The following RBM34 variants were observed in gnomAD, a reference collection of about 807,000 sequenced individuals.
RBM34 encodes the protein RNA binding motif protein 34, also known as RNA-binding protein 34.
Under a neutral mutation model 44.6 loss-of-function variants are expected in RBM34, and 39 were observed. The ratio of observed to expected loss-of-function variants is 0.87; its 90% CI spans 0.68 to 1.14. The LOEUF (loss-of-function observed/expected upper bound fraction) is 1.14, where lower values mean the gene tolerates loss of function less well. Among genes scored for constraint, RBM34 ranks in the 50% most tolerant of loss-of-function variants. The pLI is 0.00. For missense variants in RBM34, 572 were observed against 517.9 expected (o/e 1.10, Z -1.01); for synonymous variants, 194 against 184.0 (o/e 1.05, Z -0.44).
intron 6 of RBM34, among the ~76,000 whole-genome samples, chr1:235,141,138 C>A (rs556722401): frequency 6.6e-6 from 1 of 151,622 alleles, no homozygotes; most frequent in African/African-American, 2.4e-5. Context: ...ACACACCAAT[C>A]GGCACCCTGT....
intron 6 of RBM34, among the ~76,000 whole-genome samples, chr1:235,145,966 G>GTTTTTTTTTT (rs34111332): frequency 2.6e-5 from 2 of 77,210 alleles, no homozygotes; most frequent in Non-Finnish European, 4.6e-5. Flanking sequence ...ATTACAGCAG[G>GTTTTTTTTTT]TTTTTTTTTT....
At chr1:235,143,074 C>T (rs1661752929) in intron 6 of RBM34, among the ~76,000 whole-genome samples, 2 of 151,898 alleles carry the variant, frequency 1.3e-5, no homozygotes, top group Non-Finnish European at 2.9e-5. Flanking sequence ...TTAAAAGTCA[C>T]TAAAAAATGG....
rs997131081 is a variant in RBM34, at chr1:235,159,754, C to A, written c.365+757G>T. On this transcript the variant is annotated intron_variant, in intron 3 of 10. Transcript: ENST00000408888. ...GGCATGGTGGCACCTGTAATCTCAG[C>A]TCCACGGGAGGCCTGAGGCAGGAAA... Among the ~76,000 whole-genome samples, 16 of 150,122 alleles carry A rather than the reference C, an allele frequency of 1.1e-4. No homozygotes were observed. In the Admixed American group the frequency reaches 1.1e-3, roughly 10 times the overall value.
In RBM34 at chr1:235,131,849, C is replaced by A; in HGVS notation, c.1157G>T (p.Gly386Val). 2 of 1,614,082 alleles carry A rather than the reference C, an allele frequency of 1.2e-6. No homozygotes were observed. The highest frequency in any genetic ancestry group is 1.7e-6 in the Non-Finnish European group (2 of 1,180,002). Residue 386 changes from glycine to valine, a missense_variant, in exon 11 of 11, where the codon GGA (glycine) becomes GTA (valine). Coordinates refer to ENST00000408888, the MANE Select transcript of RBM34 (RefSeq NM_015014.4). ...TGCAGTTTTGGAAGTAAAATTAAGT[C>A]CCTGCTTAGGTTTACTGACATTCTT... ...RLKNVSKPKQ[G>V]LNFTSKTAEG... is the part of the protein sequence containing the mutation.
At chr1:235,149,829 AAACCTATTTTCTTTCTCAGT>A (rs963364086) in intron 5 of RBM34, among the ~76,000 whole-genome samples, 1 of 152,234 alleles carries the variant, frequency 6.6e-6, no homozygotes, top group African/African-American at 2.4e-5. Context: ...CTTTTCTGGA[AAACCTATTTTCTTTCTCAGT>A]AACCTGATAG....
chr1:235,135,799 TAA>T (rs1249644615), intron 9 of RBM34, 29 bp from the exon 10 acceptor site: 2 of 1,577,876 alleles, frequency 1.3e-6, no homozygotes, highest in Admixed American at 1.7e-5. Flanking sequence ...AAAATGGAAG[TAA>T]AGAGTTGGGA....
chr1:235,155,844 T>TACATATATATAC (rs1310649349), intron 3 of RBM34, among the ~76,000 whole-genome samples: 1 of 28,316 alleles, frequency 3.5e-5, no homozygotes, highest in Admixed American at 5.0e-4. Context: ...TATATATATA[T>TACATATATATAC]ATATATATAT....
rs370921981 is a variant in RBM34 at position 235,160,899 on chromosome 1, C to A, written c.222G>T (p.Val74=). 13 of 1,613,928 alleles carry A rather than the reference C, an allele frequency of 8.1e-6. No individual in the cohort carries two copies. In the South Asian group the frequency reaches 1.2e-4, roughly 15 times the overall value. Reference sequence around the variant, plus strand: ...AGAAAGCCCAGTGACTTACTTTAGGCACAGGCACGTACACGGGTTGAATCT... The same window carrying A: ...AGAAAGCCCAGTGACTTACTTTAGGAACAGGCACGTACACGGGTTGAATCT... ...EPQIQPVYVP[V]PKQTIKKTKR... The change falls in exon 2 of 11, where the codon GTG becomes GTT. Residue 74 remains valine, a synonymous_variant. Transcript: ENST00000408888.
intron 3 of RBM34, chr1:235,156,668 A>G (rs1662460530): frequency 2.2e-6 from 1 of 461,044 alleles, no homozygotes; most frequent in Non-Finnish European, 4.5e-6. Flanking sequence ...CTGAGCATCA[A>G]TCTGAAAGGA....
At chr1:235,159,677 C>T (rs1034875750) in intron 3 of RBM34, among the ~76,000 whole-genome samples, 4 of 151,710 alleles carry the variant, frequency 2.6e-5, no homozygotes, top group African/African-American at 9.7e-5. Flanking sequence ...CAAGACCAAC[C>T]TGGCCAACAT....
chr1:235,138,817 CAG>C (rs1171519145), intron 6 of RBM34, among the ~76,000 whole-genome samples: 12 of 152,154 alleles, frequency 7.9e-5, no homozygotes, highest in Non-Finnish European at 1.2e-4. Flanking sequence ...GTTTAATTTA[CAG>C]AGTTTTCTCT....
intron 6 of RBM34, among the ~76,000 whole-genome samples, chr1:235,141,317 C>G (rs1207861504): frequency 6.6e-6 from 1 of 152,042 alleles, no homozygotes; most frequent in African/African-American, 2.4e-5. Flanking sequence ...GTGTTTAGCT[C>G]AGGGTTTGTG....
At position 235,131,777 on chromosome 1, in the gene RBM34, A is replaced by C. The variant is rs966838549; in HGVS notation, c.1229T>G (p.Leu410Arg). 5 of 1,613,156 alleles carry C rather than the reference A, an allele frequency of 3.1e-6. No homozygotes were observed. In the African/African-American group the frequency reaches 5.3e-5, roughly 17 times the overall value. The change falls in exon 11 of 11, where the codon CTT becomes CGT. Residue 410 changes from leucine (L) to arginine (R), a missense_variant. Physicochemically the swap from Leu to Arg is moderately radical, Grantham distance 102. Coordinates refer to ENST00000408888, the MANE Select transcript of RBM34 (RefSeq NM_015014.4). ...CTTCTGTCCTTTCTTCTTCGTTTTA[A>C]GGAGAACAGCTTTTTCTCCAATAAA... Reference protein sequence around the residue: ...SLFIGEKAVLLKTKKKGQKKS... With the variant: ...SLFIGEKAVLRKTKKKGQKKS...
At position 235,131,668 on chromosome 1, in the gene RBM34, T is replaced by G; in HGVS notation, c.*45A>C. ...ATGCTATCAGCAGATAATAGCACTT[T>G]TATTAGCAGTACTCAGCAGGAAAAG... On this transcript the variant is annotated 3_prime_UTR_variant, in exon 11 of 11. Coordinates refer to ENST00000408888, the MANE Select transcript of RBM34 (RefSeq NM_015014.4). 6.5e-7 allele frequency: 1 copy of G among 1,541,288 alleles called. No homozygotes were observed. The highest frequency in any genetic ancestry group is 8.7e-7 in the Non-Finnish European group (1 of 1,148,234).
At chr1:235,156,956 ACTG>A (rs1357147128) in intron 3 of RBM34, among the ~76,000 whole-genome samples, 1 of 152,206 alleles carries the variant, frequency 6.6e-6, no homozygotes, top group Non-Finnish European at 1.5e-5. Flanking sequence ...ATAAAAGCTG[ACTG>A]CTATTACTCC....
intron 3 of RBM34, among the ~76,000 whole-genome samples, chr1:235,159,641 GGGTGGATCACCTGA>G (rs1269561724): frequency 2.0e-5 from 3 of 151,850 alleles, no homozygotes; most frequent in African/African-American, 7.3e-5. Context: ...AGGCTGAGGT[GGGTGGATCACCTGA>G]GGTCAGGAGT....
chr1:235,135,628 T>C, intron 10 of RBM34, 24 bp downstream of exon 10: 1 of 1,577,088 alleles, frequency 6.3e-7, no homozygotes, highest in Non-Finnish European at 8.7e-7. Flanking sequence ...CGAAGGACAG[T>C]GACAATGCAT....
At chr1:235,158,930 C>A (rs1467978377) in intron 3 of RBM34, among the ~76,000 whole-genome samples, 3 of 146,524 alleles carry the variant, frequency 2.0e-5, no homozygotes, top group Non-Finnish European at 4.5e-5. Flanking sequence ...CTAGCCTGGG[C>A]AACATAGCAA....
At chr1:235,139,803 G>A (rs1190651719) in intron 6 of RBM34, among the ~76,000 whole-genome samples, 1 of 152,244 alleles carries the variant, frequency 6.6e-6, no homozygotes, top group Non-Finnish European at 1.5e-5. Context: ...ATGAGAGACA[G>A]AGGAAGCACT....
Sources: gnomAD v4.1 joint callset for allele counts (sites outside exome capture counted in the v4.1 genomes callset) on GRCh38, gnomAD v4.1.1 for gene constraint, MANE v1.5 for transcripts, NCBI Gene and HGNC (gene_info 2026-07-23, HGNC 2026-07-21) for gene names.